C6orf132: variants seen among roughly 807,000 people sequenced by gnomAD.
The protein encoded by C6orf132 is uncharacterized protein C6orf132.
C6orf132 carries 43 observed loss-of-function variants against 65.3 expected under a neutral mutation model. The observed-to-expected ratio is 0.66, with a 90% confidence interval of 0.52 to 0.85. The LOEUF (loss-of-function observed/expected upper bound fraction) is 0.85. Among genes scored for constraint, C6orf132 ranks in the 40% least tolerant of loss-of-function variants. C6orf132 has a pLI of 0.00. For synonymous variants in C6orf132, 631 were observed against 654.1 expected, an observed-to-expected ratio of 0.96 and a Z score of 0.54; for missense variants, 1,488 against 1,548.8, an observed-to-expected ratio of 0.96 and a Z score of 0.66.
chr6:42,122,916 C>T (rs564290598), intron 2 of C6orf132, among the ~76,000 whole-genome samples: 1 of 152,108 alleles, frequency 6.6e-6, no homozygotes, highest in Non-Finnish European at 1.5e-5. Context: ...CCAGGGCACC[C>T]CTGGGGACCT....
intron 2 of C6orf132, among the ~76,000 whole-genome samples, chr6:42,112,259 C>G (rs1415299886): frequency 6.6e-6 from 1 of 152,186 alleles, no homozygotes; most frequent in African/African-American, 2.4e-5. Flanking sequence ...TGTCTAAAGT[C>G]ACACAACCAG....
In C6orf132 at chr6:42,105,380, C is replaced by T. The variant is rs764467174; in HGVS notation, c.2532G>A (p.Ala844=). The change falls in exon 4 of 5, where the codon GCG becomes GCA. Residue 844 remains alanine (A), a synonymous_variant. Transcript: ENST00000341865. The stretch of plus-strand genomic sequence containing the variant: ...TTCCCTTCTGAGCCCTCTGCCTGGC[C>T]GCCAGGAGCAGGGCCATCGGCGAGC... ...ERGSPMALLL[A]ARQRAQKGRS... The T allele has an allele frequency of 9.8e-6, 15 of 1,535,932 alleles. No individual in the cohort carries two copies. Among genetic ancestry groups the T allele is most frequent in the African/African-American group, 1.4e-5 (1 of 73,018 alleles).
intron 1 of C6orf132, among the ~76,000 whole-genome samples, chr6:42,133,393 G>A (rs1766885902): frequency 6.6e-6 from 1 of 152,206 alleles, no homozygotes; most frequent in Non-Finnish European, 1.5e-5. Flanking sequence ...AAAGTCCTTC[G>A]GGATCTCAGA....
Position 42,106,599 on chromosome 6 carries a change from G to C in C6orf132, c.1313C>G (p.Ser438Cys). 6.5e-7 allele frequency: 1 copy of C among 1,535,888 alleles called. No homozygotes were observed. The highest frequency in any genetic ancestry group is 8.7e-7 in the Non-Finnish European group (1 of 1,146,750). Residue 438 changes from serine (S) to cysteine (C), a missense_variant, in exon 4 of 5, where the codon TCT becomes TGT. Ser to Cys is a moderately radical substitution (Grantham distance 112). Coordinates refer to ENST00000341865, the MANE Select transcript of C6orf132 (RefSeq NM_001164446.3). Reference sequence around the variant, plus strand: ...GTTGGGTTTGGGTTTGAGAGCAGGAGAGCTGGATTTAGGGGTTTTTGTAAA... The same window carrying C: ...GTTGGGTTTGGGTTTGAGAGCAGGACAGCTGGATTTAGGGGTTTTTGTAAA... The part of the protein sequence containing the change: ...AGFTKTPKSS[S>C]PALKPKPNPP...
rs1248667417 is a variant in C6orf132 at position 42,105,837 on chromosome 6, G to GCTATGGC, written c.2068_2074dup (p.Ala692GlyfsTer53). 7.2e-6 allele frequency: 11 copies of GCTATGGC among 1,537,182 alleles called. No individual in the cohort carries two copies. The East Asian group carries it at 2.7e-4, about 38-fold the overall frequency. ...GGTGGGCAGAGTTGTGGCTGTAGAT[G>GCTATGGC]CTATGGCAGGGCCAGATGTGGCCTT... On this transcript the variant is annotated frameshift_variant, in exon 4 of 5. Transcript: ENST00000341865. LOFTEE classifies it high-confidence loss of function.
intron 1 of C6orf132, among the ~76,000 whole-genome samples, chr6:42,137,621 C>T (rs1766964399): frequency 6.6e-6 from 1 of 152,058 alleles, no homozygotes; most frequent in Admixed American, 6.6e-5. Flanking sequence ...TATGTAGAAC[C>T]TACCATGTGC....
At chr6:42,130,771 T>A (rs1766839061) in intron 1 of C6orf132, among the ~76,000 whole-genome samples, 1 of 151,826 alleles carries the variant, frequency 6.6e-6, no homozygotes, top group Admixed American at 6.6e-5. Flanking sequence ...AGCATCTTTT[T>A]TTTATCTTTA....
chr6:42,138,662 C>T (rs745632509), intron 1 of C6orf132, among the ~76,000 whole-genome samples: 4 of 152,156 alleles, frequency 2.6e-5, no homozygotes, highest in South Asian at 4.1e-4. Context: ...GAAAGAGAGT[C>T]CTCTAGCAAA....
chr6:42,109,031 G>A (rs981311659), intron 3 of C6orf132, among the ~76,000 whole-genome samples: 2 of 152,194 alleles, frequency 1.3e-5, no homozygotes, highest in Non-Finnish European at 2.9e-5. Context: ...GGGAGCTTAC[G>A]CTTGAACGGG....
chr6:42,137,074 T>C (rs906556263), intron 1 of C6orf132, among the ~76,000 whole-genome samples: 3 of 152,336 alleles, frequency 2.0e-5, no homozygotes, highest in African/African-American at 7.2e-5. Context: ...GGGTGCACTT[T>C]GATGTTTGAG....
rs952251030 is a variant in C6orf132 at position 42,104,983 on chromosome 6, C to T, written c.2929G>A (p.Glu977Lys). The change falls in exon 4 of 5, where the codon GAG becomes AAG. Residue 977 changes from glutamate (E) to lysine (K), a missense_variant. Transcript: ENST00000341865. The surrounding 1 kb of genome is among the most constrained non-coding windows in gnomAD (Gnocchi z 4.1). ...ACCTCGAAGTTGAACTCCTCCTCCT[C>T]CTCCTCCCTCTTGTTCGAAGGAGAA... The part of the protein sequence containing the change: ...PPSPSNKREE[E>K]EEEFNFEVIP... 1 of 1,511,366 alleles carries T rather than the reference C, an allele frequency of 6.6e-7. No individual in the cohort carries two copies. The highest frequency in any genetic ancestry group is 2.2e-5 in the Admixed American group (1 of 46,160). The allele number at this position is 1,511,366 out of a possible 1,614,324, so 93.6% of individuals were successfully genotyped here.
chr6:42,104,562 G>T lies in C6orf132; in HGVS notation c.3350C>A (p.Ala1117Glu), dbSNP rs1037325383. 7.0e-6 allele frequency: 9 copies of T among 1,281,986 alleles called. No homozygotes were observed. The highest frequency in any genetic ancestry group is 8.8e-6 in the Non-Finnish European group (9 of 1,016,996). 79.4% of individuals were successfully genotyped at this position (1,281,986 alleles called of 1,614,324 possible). Reference protein sequence around the residue: ...AGRAPPGGLHAPRLSLEGAAR... With the variant: ...AGRAPPGGLHEPRLSLEGAAR... The stretch of plus-strand genomic sequence containing the variant: ...GGCGCCCTCCAGGGACAGCCTCGGC[G>T]CGTGCAGGCCTCCGGGGGGCGCGCG... The change falls in exon 4 of 5, where the codon GCG becomes GAG. Residue 1117 changes from alanine (A) to glutamate (E), a missense_variant. By Grantham distance (107) the Ala-to-Glu change is moderately radical. Coordinates refer to ENST00000341865, the MANE Select transcript of C6orf132 (RefSeq NM_001164446.3). This position sits in a 1 kb window ranked among gnomAD's most constrained non-coding sequence, Gnocchi z 4.1.
chr6:42,141,691 G>T (rs774022785), intron 1 of C6orf132, among the ~76,000 whole-genome samples: 25 of 152,150 alleles, frequency 1.6e-4, no homozygotes, highest in Non-Finnish European at 2.6e-4. Context: ...GGAGCCTGTG[G>T]CCCCAATAAG....
chr6:42,106,212 C>A lies in C6orf132; in HGVS notation c.1700G>T (p.Arg567Leu). Residue 567 changes from arginine to leucine, a missense_variant, in exon 4 of 5, where the codon CGG (arginine) becomes CTG (leucine). By Grantham distance (102) the Arg-to-Leu change is moderately radical. Coordinates refer to ENST00000341865, the MANE Select transcript of C6orf132 (RefSeq NM_001164446.3). ...DSPTPSVRQI[R>L]NELEARLSSA... Reference sequence around the variant, plus strand: ...GGAGAGCCGGGCCTCCAGCTCATTCCGGATCTGCCGCACACTGGGAGTTGG... The same window carrying A: ...GGAGAGCCGGGCCTCCAGCTCATTCAGGATCTGCCGCACACTGGGAGTTGG... 1 of 1,537,196 alleles carries A rather than the reference C, an allele frequency of 6.5e-7. No homozygotes were observed. Among genetic ancestry groups the A allele is most frequent in the Non-Finnish European group, 8.7e-7 (1 of 1,146,876 alleles).
intron 2 of C6orf132, chr6:42,126,522 G>C (rs537092035): frequency 1.2e-5 from 2 of 168,082 alleles, no homozygotes; most frequent in African/African-American, 4.8e-5. Flanking sequence ...TAAGTGATAG[G>C]AGAGAATCTA....
Position 42,104,508 on chromosome 6 carries a change from T to A in C6orf132, c.3404A>T (p.Lys1135Ile). Reference protein sequence around the residue: ...AARGAAEAKHKAPGSADYGFA... With the variant: ...AARGAAEAKHIAPGSADYGFA... ...GCCGTAGTCGGCGCTGCCGGGCGCTTTGTGCTTGGCCTCCGCGGCGCCCCG... is the reference window on the plus strand; with the variant it reads ...GCCGTAGTCGGCGCTGCCGGGCGCTATGTGCTTGGCCTCCGCGGCGCCCCG... Residue 1135 changes from lysine to isoleucine, a missense_variant, in exon 4 of 5, where the codon AAA becomes ATA. Coordinates refer to ENST00000341865, the MANE Select transcript of C6orf132 (RefSeq NM_001164446.3). The surrounding 1 kb of genome is among the most constrained non-coding windows in gnomAD (Gnocchi z 4.1). 1.6e-6 allele frequency: 2 copies of A among 1,232,482 alleles called. No individual in the cohort carries two copies. The highest frequency in any genetic ancestry group is 2.0e-6 in the Non-Finnish European group (2 of 988,730). 76.3% of individuals were successfully genotyped at this position (1,232,482 alleles called of 1,614,324 possible). A position where few individuals can be genotyped will look rare whatever the true frequency, so the allele number is the denominator to read the frequency against.
chr6:42,106,319 ACT>A lies in C6orf132; in HGVS notation c.1591_1592del (p.Leu532TrpfsTer37), dbSNP rs1766406031. 2 of 1,535,650 alleles carry A rather than the reference ACT, an allele frequency of 1.3e-6. No individual in the cohort carries two copies. Among genetic ancestry groups the A allele is most frequent in the Non-Finnish European group, 8.7e-7 (1 of 1,146,600 alleles). ...KDTPPGVPEK[S>X]LGGSSLTETE... ...TCTCTGTCAGGCTGCTGCCGCCAAG[ACT>A]CTTTTCAGGAACACCTGGGGGAGTG... On this transcript the variant is annotated frameshift_variant, in exon 4 of 5. Transcript: ENST00000341865. LOFTEE classifies it high-confidence loss of function.
chr6:42,109,546 A>G (rs891407688), intron 3 of C6orf132, among the ~76,000 whole-genome samples: 3 of 152,156 alleles, frequency 2.0e-5, no homozygotes, highest in South Asian at 4.1e-4. Flanking sequence ...CTCGCAGAAG[A>G]GCATTCTAAC....
intron 1 of C6orf132, among the ~76,000 whole-genome samples, chr6:42,135,035 A>G (rs1213294376): frequency 1.5e-4 from 23 of 152,038 alleles, no homozygotes; most frequent in Admixed American, 1.5e-3. Flanking sequence ...AGGGCTGGTT[A>G]TTGTTGTGAT....
Sources: allele counts gnomAD v4.1 joint callset (sites outside exome capture counted in the v4.1 genomes callset), GRCh38; gene constraint gnomAD v4.1.1; non-coding constraint Gnocchi (gnomAD v3.1); transcripts MANE v1.5; gene names NCBI Gene and HGNC (gene_info 2026-07-23, HGNC 2026-07-21).